The following TMEM68 variants were observed in gnomAD, a reference collection of about 807,000 sequenced individuals.
The protein encoded by TMEM68 is DGAT1/2-independent enzyme synthesizing storage lipids.
TMEM68 carries 25 observed loss-of-function variants against 36.9 expected under a neutral mutation model. The observed-to-expected ratio is 0.68, with a 90% confidence interval of 0.49 to 0.95. TMEM68 has a LOEUF of 0.95. Among genes scored for constraint, TMEM68 ranks in the 40% least tolerant of loss-of-function variants. The pLI, the probability that TMEM68 is intolerant of heterozygous loss-of-function variation, is 0.00. For synonymous variants in TMEM68, 131 were observed against 124.4 expected (o/e 1.05, Z -0.35); for missense variants, 333 against 392.0 (o/e 0.85, Z 1.27).
chr8:55,765,121 G>C (rs1269769518), intron 1 of TMEM68, among the ~76,000 whole-genome samples: 1 of 152,054 alleles, frequency 6.6e-6, no homozygotes, highest in Non-Finnish European at 1.5e-5. Context: ...ACCCATGTTT[G>C]ATCATTTAGA....
chr8:55,756,785 G>A (rs928692800), intron 3 of TMEM68, among the ~76,000 whole-genome samples: 4 of 152,140 alleles, frequency 2.6e-5, no homozygotes, highest in African/African-American at 9.7e-5. Flanking sequence ...GAAGAGAGGA[G>A]GCAAGGGTCA....
chr8:55,740,120 G>C lies in TMEM68; in HGVS notation c.*12C>G. 6.2e-7 allele frequency: 1 copy of C among 1,603,130 alleles called. No homozygotes were observed. The highest frequency in any genetic ancestry group is 8.5e-7 in the Non-Finnish European group (1 of 1,172,084). ...AAATGTACTAAATCATCTTCTAGTT[G>C]ACCCTTTGTTATCAATGAAAACGTT... On this transcript the variant is annotated 3_prime_UTR_variant, in exon 8 of 8. Coordinates refer to ENST00000434581, the MANE Select transcript of TMEM68 (RefSeq NM_001286657.2).
At chr8:55,769,018 T>TAAAAA (rs200493179) in intron 1 of TMEM68, among the ~76,000 whole-genome samples, 25 of 82,090 alleles carry the variant, frequency 3.0e-4, no homozygotes, top group African/African-American at 1.2e-3. Flanking sequence ...ACTCTGTCTT[T>TAAAAA]AAAAAAAAAA....
intron 1 of TMEM68, among the ~76,000 whole-genome samples, chr8:55,765,880 A>T (rs1810947904): frequency 6.6e-6 from 1 of 152,212 alleles, no homozygotes; most frequent in Admixed American, 6.5e-5. Flanking sequence ...TTCTCTGAAA[A>T]TGAAGATGAT....
intron 4 of TMEM68, among the ~76,000 whole-genome samples, chr8:55,754,981 C>A (rs1476680734): frequency 2.1e-5 from 3 of 140,582 alleles, no homozygotes; most frequent in Non-Finnish European, 3.0e-5. Context: ...ACACACATAG[C>A]CTTTATAAAC....
chr8:55,754,777 ATAT>A (rs1193453297), intron 4 of TMEM68, among the ~76,000 whole-genome samples: 7 of 84,610 alleles, frequency 8.3e-5, no homozygotes, highest in Non-Finnish European at 1.1e-4. Context: ...TTATATATTT[ATAT>A]TATATATAAA....
intron 3 of TMEM68, among the ~76,000 whole-genome samples, chr8:55,758,626 C>G (rs1810680932): frequency 6.6e-6 from 1 of 152,020 alleles, no homozygotes; most frequent in Non-Finnish European, 1.5e-5. Flanking sequence ...GGCAACATGG[C>G]AAGACCCACC....
At chr8:55,757,726 G>A (rs761659557) in intron 3 of TMEM68, among the ~76,000 whole-genome samples, 46 of 152,158 alleles carry the variant, frequency 3.0e-4, no homozygotes, top group Non-Finnish European at 5.3e-4. Flanking sequence ...TTCTAGAGAA[G>A]GGGAAGAAGC....
chr8:55,768,749 T>C (rs1270262871), intron 1 of TMEM68, among the ~76,000 whole-genome samples: 1 of 151,260 alleles, frequency 6.6e-6, no homozygotes, highest in Non-Finnish European at 1.5e-5. Flanking sequence ...GGGAGGCTGA[T>C]GCACAAGAAT....
At chr8:55,771,509 C>CG (rs1195398014) in intron 1 of TMEM68, among the ~76,000 whole-genome samples, 1 of 151,704 alleles carries the variant, frequency 6.6e-6, no homozygotes, top group Non-Finnish European at 1.5e-5. Flanking sequence ...CCCAGCTACT[C>CG]GGGGGGCTGA....
Position 55,751,163 on chromosome 8 carries a change from A to C in TMEM68, c.494-6T>G. 1.9e-6 allele frequency: 3 copies of C among 1,581,528 alleles called. No homozygotes were observed. The South Asian group carries it at 3.5e-5, about 18-fold the overall frequency. On this transcript the variant is annotated splice_polypyrimidine_tract_variant and splice_region_variant and intron_variant, in intron 4 of 7. Transcript: ENST00000434581. ...ATCCAGTAATAAACTAAACCCTGTA[A>C]GAAACATGAGTATGAAGTTACAACA...
intron 4 of TMEM68, among the ~76,000 whole-genome samples, chr8:55,752,888 C>T (rs1412651067): frequency 1.3e-5 from 2 of 151,852 alleles, no homozygotes; most frequent in African/African-American, 4.8e-5. Flanking sequence ...CCATGCCTGG[C>T]TGATTTTTTT....
At chr8:55,759,612 T>C (rs1216690012) in intron 3 of TMEM68, among the ~76,000 whole-genome samples, 1 of 151,950 alleles carries the variant, frequency 6.6e-6, no homozygotes. Context: ...AAAAAATACA[T>C]ATTTTTAAAA....
intron 1 of TMEM68, among the ~76,000 whole-genome samples, chr8:55,769,655 CAG>C (rs1563441847): frequency 1.3e-5 from 2 of 151,446 alleles, no homozygotes; most frequent in African/African-American, 4.9e-5. Flanking sequence ...TTTTTTGAGA[CAG>C]AGTCTCACTC....
At chr8:55,767,852 G>A (rs369797903) in intron 1 of TMEM68, among the ~76,000 whole-genome samples, 75 of 152,182 alleles carry the variant, frequency 4.9e-4, no homozygotes, top group East Asian at 4.4e-3. Flanking sequence ...CAGGAGAATC[G>A]CTTGGACCTG....
At chr8:55,751,240 G>A in intron 4 of TMEM68, 83 bp from the exon 5 acceptor site, 2 of 1,239,106 alleles carry the variant, frequency 1.6e-6, no homozygotes, top group East Asian at 2.4e-5. Context: ...AAACTACATA[G>A]TGTACTATTT....
At chr8:55,748,816 C>G (rs973275773) in intron 5 of TMEM68, among the ~76,000 whole-genome samples, 1 of 152,058 alleles carries the variant, frequency 6.6e-6, no homozygotes. Context: ...GTCTCGAACT[C>G]CTGGCCTCAA....
chr8:55,743,555 C>A lies in TMEM68; in HGVS notation c.814G>T (p.Val272Leu), dbSNP rs1368458124. The A allele has an allele frequency of 9.1e-6, 14 of 1,535,904 alleles. No individual in the cohort carries two copies. Among genetic ancestry groups the A allele is most frequent in the East Asian group, 2.4e-5 (1 of 40,920 alleles). The change falls in exon 7 of 8, where the codon GTG (valine) becomes TTG (leucine). Residue 272 changes from valine (V) to leucine (L), a missense_variant. By Grantham distance (32) the Val-to-Leu change is conservative (BLOSUM62 1). Transcript: ENST00000434581. Reference sequence around the variant, plus strand: ...TCGCCTAAATAGGTCCGTAACTTCACTGGAAAACCTCCATACATTGGAGCA... The same window carrying A: ...TCGCCTAAATAGGTCCGTAACTTCAATGGAAAACCTCCATACATTGGAGCA... ...PFAPMYGGFPVKLRTYLGDPI... is the reference protein window; with the variant it reads ...PFAPMYGGFPLKLRTYLGDPI...
At chr8:55,755,636 GT>G (rs1810582124) in intron 4 of TMEM68, among the ~76,000 whole-genome samples, 1 of 150,654 alleles carries the variant, frequency 6.6e-6, no homozygotes, top group East Asian at 1.9e-4. Flanking sequence ...CAAACTGAGA[GT>G]TATCAAACTC....
Sources: allele counts gnomAD v4.1 joint callset (sites outside exome capture counted in the v4.1 genomes callset), GRCh38; gene constraint gnomAD v4.1.1; transcripts MANE v1.5; gene names NCBI Gene and HGNC (gene_info 2026-07-23, HGNC 2026-07-21).